Variants in SDK1 observed in about 807,000 individuals in gnomAD.
SDK1 encodes protein sidekick-1.
SDK1 carries 157 observed loss-of-function variants against 245.5 expected under a neutral mutation model. The observed-to-expected ratio is 0.64, with a 90% CI of 0.56 to 0.73. SDK1 has a LOEUF of 0.73. SDK1 is among the 30% of genes least tolerant of loss of function. The pLI is 0.00. For synonymous variants in SDK1, 1,647 were observed against 1,278.5 expected, an observed-to-expected ratio of 1.29 and a Z score of -6.15; for missense variants, 3,583 against 3,002.3, an observed-to-expected ratio of 1.19 and a Z score of -4.52.
intron 1 of SDK1, among the ~76,000 whole-genome samples, chr7:3,422,220 C>G (rs970453552): frequency 2.0e-5 from 3 of 152,100 alleles, no homozygotes; most frequent in Non-Finnish European, 4.4e-5. Flanking sequence ...CCCAGCCAAA[C>G]TACTCTTACA....
chr7:4,066,869 C>T (rs564795087), intron 19 of SDK1, among the ~76,000 whole-genome samples: 27 of 152,306 alleles, frequency 1.8e-4, no homozygotes, highest in African/African-American at 6.0e-4. Flanking sequence ...GGCCGCCCTT[C>T]CTCAAGCAGT....
At chr7:3,328,260 G>A (rs1299457122) in intron 1 of SDK1, among the ~76,000 whole-genome samples, 2 of 152,016 alleles carry the variant, frequency 1.3e-5, no homozygotes, top group Non-Finnish European at 2.9e-5. Flanking sequence ...GTATATTGTG[G>A]TGTTATTTTG....
At chr7:4,018,461 A>G (rs1051882374) in intron 17 of SDK1, among the ~76,000 whole-genome samples, 3 of 152,248 alleles carry the variant, frequency 2.0e-5, no homozygotes, top group African/African-American at 7.2e-5. Flanking sequence ...AAAATGCAGG[A>G]CAGCCAGGAA....
At chr7:3,975,903 C>T (rs1030702541) in intron 13 of SDK1, among the ~76,000 whole-genome samples, 5 of 148,620 alleles carry the variant, frequency 3.4e-5, no homozygotes, top group Admixed American at 2.0e-4. Context: ...GCAAAGCTGC[C>T]ACGTAGAGGG....
At position 3,785,354 on chromosome 7, in the gene SDK1, A is replaced by G. The variant is rs114441381; in HGVS notation, c.714-36096A>G. ...AGAGTAAATTTTAAAAGTTCTCACC[A>G]TAAGAATCATTAAATATGTGAGCTG... On this transcript the variant is annotated intron_variant, in intron 4 of 44. Coordinates refer to ENST00000404826, the MANE Select transcript of SDK1 (RefSeq NM_152744.4). Among the ~76,000 whole-genome samples the G allele has an allele frequency of 5.7e-3, 867 of 152,316 alleles. 9 individuals carry two copies. Among genetic ancestry groups the G allele is most frequent in the African/African-American group, 0.02 (819 of 41,568 alleles).
chr7:3,559,404 G>GA (rs992305653), intron 1 of SDK1, among the ~76,000 whole-genome samples: 6 of 151,836 alleles, frequency 4.0e-5, no homozygotes, highest in South Asian at 2.1e-4. Context: ...CCATTTCCAG[G>GA]AAAAAAAATT....
chr7:3,433,733 G>C (rs979773968), intron 1 of SDK1, among the ~76,000 whole-genome samples: 1 of 152,082 alleles, frequency 6.6e-6, no homozygotes, highest in Non-Finnish European at 1.5e-5. Context: ...AATTTTAAGA[G>C]CAATAGTCAG....
chr7:3,664,006 A>C (rs1197906267), intron 4 of SDK1, among the ~76,000 whole-genome samples: 1 of 151,966 alleles, frequency 6.6e-6, no homozygotes, highest in Non-Finnish European at 1.5e-5. Context: ...CCGGGCCCCT[A>C]ACATCTCATT....
At chr7:3,339,249 G>A (rs984740307) in intron 1 of SDK1, among the ~76,000 whole-genome samples, 19 of 152,220 alleles carry the variant, frequency 1.2e-4, no homozygotes, top group Admixed American at 9.2e-4. Flanking sequence ...TCCTAAATAT[G>A]TACACACCAA....
At chr7:3,467,712 T>C (rs1274381642) in intron 1 of SDK1, among the ~76,000 whole-genome samples, 34 of 152,170 alleles carry the variant, frequency 2.2e-4, no homozygotes, top group Non-Finnish European at 1.5e-5. Flanking sequence ...ATAGTTTCTT[T>C]GTATTACAAA....
intron 43 of SDK1, 113 bp from the exon 44 acceptor site, chr7:4,245,563 C>T: frequency 7.9e-7 from 1 of 1,263,648 alleles, no homozygotes; most frequent in Non-Finnish European, 1.1e-6. Context: ...ATGTCAAAGG[C>T]TGTGGGTTTC....
chr7:3,707,788 A>G (rs771395847), intron 4 of SDK1, among the ~76,000 whole-genome samples: 34 of 152,234 alleles, frequency 2.2e-4, no homozygotes, highest in Middle Eastern at 3.4e-3. Flanking sequence ...TCATCCTCTT[A>G]TCATTACATA....
At chr7:4,212,505 G>T (rs1285539118) in intron 38 of SDK1, among the ~76,000 whole-genome samples, 1 of 152,182 alleles carries the variant, frequency 6.6e-6, no homozygotes, top group Admixed American at 6.5e-5. Context: ...AACCAGCAGA[G>T]AGGGCATGGG....
At chr7:4,066,999 T>G (rs1779949046) in intron 19 of SDK1, among the ~76,000 whole-genome samples, 1 of 152,242 alleles carries the variant, frequency 6.6e-6, no homozygotes, top group South Asian at 2.1e-4. Flanking sequence ...GATGAGAGGT[T>G]CATCATCATG....
intron 12 of SDK1, among the ~76,000 whole-genome samples, chr7:3,973,582 T>C (rs1231915058): frequency 6.6e-6 from 1 of 152,196 alleles, no homozygotes; most frequent in Non-Finnish European, 1.5e-5. Context: ...GATTTTTTTT[T>C]TCATGAGTTG....
intron 5 of SDK1, among the ~76,000 whole-genome samples, chr7:3,950,680 C>T (rs113353052): frequency 5.9e-5 from 9 of 152,100 alleles, no homozygotes; most frequent in Admixed American, 1.3e-4. Flanking sequence ...AGTCAAAACG[C>T]GCTTTTGTAG....
At chr7:3,516,281 A>G (rs1782748157) in intron 1 of SDK1, among the ~76,000 whole-genome samples, 1 of 152,026 alleles carries the variant, frequency 6.6e-6, no homozygotes, top group Non-Finnish European at 1.5e-5. Context: ...ACACATATAT[A>G]CTATGTTTAC....
At chr7:3,678,002 G>T (rs538336287) in intron 4 of SDK1, among the ~76,000 whole-genome samples, 4 of 152,334 alleles carry the variant, frequency 2.6e-5, no homozygotes, top group African/African-American at 9.6e-5. Flanking sequence ...GTAGGCTCAT[G>T]AAGAGATGTT....
intron 4 of SDK1, among the ~76,000 whole-genome samples, chr7:3,808,916 T>C (rs184521199): frequency 3.2e-4 from 48 of 152,326 alleles, no homozygotes; most frequent in African/African-American, 9.6e-4. Flanking sequence ...TTGATGGTGT[T>C]TGTGCGTGAG....
Sources: allele counts gnomAD v4.1 joint callset (sites outside exome capture counted in the v4.1 genomes callset), GRCh38; gene constraint gnomAD v4.1.1; transcripts MANE v1.5; gene names NCBI Gene and HGNC (gene_info 2026-07-23, HGNC 2026-07-21).